CCDC60: variants seen among roughly 807,000 people sequenced by gnomAD.
The protein encoded by CCDC60 is coiled-coil domain-containing protein 60.
In CCDC60, 54 loss-of-function variants were observed where a neutral mutation model predicts 63.5. The ratio of observed to expected loss-of-function variants is 0.85; its 90% confidence interval spans 0.68 to 1.07. The LOEUF (loss-of-function observed/expected upper bound fraction) is 1.07, where lower values mean the gene tolerates loss of function less well. CCDC60 is among the 50% of genes least tolerant of loss of function. The pLI, the probability that CCDC60 is intolerant of heterozygous loss-of-function variation, is 0.00. For synonymous variants in CCDC60, 206 were observed against 238.8 expected (o/e 0.86, Z 1.27); for missense variants, 651 against 684.3 (o/e 0.95, Z 0.54).
chr12:119,433,530 C>G (rs933021052), intron 2 of CCDC60: 6 of 702,200 alleles, frequency 8.5e-6, no homozygotes, highest in Middle Eastern at 2.3e-4. Context: ...TCAGGATTCC[C>G]CTTCAGAAGG....
At chr12:119,404,331 C>T (rs1358129687) in intron 1 of CCDC60, among the ~76,000 whole-genome samples, 1 of 152,138 alleles carries the variant, frequency 6.6e-6, no homozygotes, top group Admixed American at 6.5e-5. Context: ...TTCTGACTGT[C>T]CTCCACCCTT....
intron 1 of CCDC60, among the ~76,000 whole-genome samples, chr12:119,392,831 G>T (rs151334231): frequency 5.3e-5 from 8 of 152,226 alleles, no homozygotes; most frequent in African/African-American, 1.4e-4. Flanking sequence ...CTGACCCTGG[G>T]TCTCGTGTTT....
At chr12:119,508,798 G>T (rs933369660) in intron 7 of CCDC60, among the ~76,000 whole-genome samples, 9 of 152,072 alleles carry the variant, frequency 5.9e-5, no homozygotes, top group African/African-American at 9.7e-5. Flanking sequence ...CTTTTCCAAG[G>T]TGTTCTTGTG....
chr12:119,361,197 A>AAGAGAG (rs1565970768), intron 1 of CCDC60, among the ~76,000 whole-genome samples: 1 of 54,514 alleles, frequency 1.8e-5, no homozygotes, highest in Non-Finnish European at 3.4e-5. Context: ...GGAGAGGGAG[A>AAGAGAG]CGAGAGGGAG....
At chr12:119,496,880 C>G (rs1242430093) in intron 5 of CCDC60, among the ~76,000 whole-genome samples, 1 of 152,176 alleles carries the variant, frequency 6.6e-6, no homozygotes, top group Non-Finnish European at 1.5e-5. Flanking sequence ...GTCACACAGA[C>G]AGTAAATCAC....
chr12:119,358,492 C>A (rs1405567712), intron 1 of CCDC60, among the ~76,000 whole-genome samples: 61 of 152,242 alleles, frequency 4.0e-4, no homozygotes, highest in Non-Finnish European at 1.2e-4. Flanking sequence ...CAATACATTT[C>A]TGTTCATTAT....
intron 4 of CCDC60, 99 bp from the exon 5 acceptor site, chr12:119,488,660 C>G (rs2136375368): frequency 1.0e-6 from 1 of 998,186 alleles, no homozygotes; most frequent in East Asian, 2.5e-5. Context: ...TGCCTGCTCC[C>G]TCACTGGGAG....
intron 1 of CCDC60, among the ~76,000 whole-genome samples, chr12:119,337,507 C>G (rs1955483881): frequency 6.6e-6 from 1 of 152,172 alleles, no homozygotes; most frequent in Non-Finnish European, 1.5e-5. Context: ...AATGAGTTAA[C>G]GTACGCCAAA....
intron 2 of CCDC60, among the ~76,000 whole-genome samples, 165 bp from the exon 3 acceptor site, chr12:119,471,829 T>G (rs1280427920): frequency 6.6e-6 from 1 of 151,246 alleles, no homozygotes; most frequent in Non-Finnish European, 1.5e-5. Flanking sequence ...TCCCTCTCCC[T>G]CTCTCACTCT....
At chr12:119,442,315 A>G (rs1478301074) in intron 2 of CCDC60, among the ~76,000 whole-genome samples, 1 of 152,206 alleles carries the variant, frequency 6.6e-6, no homozygotes, top group African/African-American at 2.4e-5. Context: ...AAGGCAGACA[A>G]TAATATAACA....
At chr12:119,437,327 C>T (rs1035787927) in intron 2 of CCDC60, among the ~76,000 whole-genome samples, 4 of 152,148 alleles carry the variant, frequency 2.6e-5, no homozygotes, top group Non-Finnish European at 4.4e-5. Context: ...GGGCAGACAT[C>T]GCTAATGGAT....
intron 1 of CCDC60, among the ~76,000 whole-genome samples, chr12:119,364,874 C>T (rs1231280702): frequency 2.0e-5 from 3 of 152,046 alleles, no homozygotes; most frequent in Non-Finnish European, 4.4e-5. Context: ...AGGAAAAGCT[C>T]CCTGAAAAAG....
At chr12:119,424,462 ACTG>A (rs1224534849) in intron 1 of CCDC60, among the ~76,000 whole-genome samples, 1 of 152,140 alleles carries the variant, frequency 6.6e-6, no homozygotes, top group African/African-American at 2.4e-5. Context: ...TATTATTCAC[ACTG>A]CTGTGATAAA....
rs75249269 is a variant in CCDC60, at chr12:119,493,781, A to G, written c.557+4915A>G. Among the ~76,000 whole-genome samples the G allele has an allele frequency of 4.8e-4, 73 of 152,322 alleles. No individual in the cohort carries two copies. The East Asian group carries it at 0.011, about 23-fold the overall frequency. On this transcript the variant is annotated intron_variant, in intron 5 of 13. Transcript: ENST00000327554. ...GGATCTGATTTTTTCATGAATGCCC[A>G]TAAGTATTTATTCAAACCCTTAGGG...
intron 1 of CCDC60, among the ~76,000 whole-genome samples, chr12:119,393,788 C>T (rs534331910): frequency 6.6e-6 from 1 of 152,226 alleles, no homozygotes; most frequent in African/African-American, 2.4e-5. Context: ...GTGACGTTTT[C>T]AGTGAAGGGA....
intron 2 of CCDC60, among the ~76,000 whole-genome samples, chr12:119,465,238 C>T (rs1420556522): frequency 1.3e-5 from 2 of 151,686 alleles, no homozygotes; most frequent in Non-Finnish European, 1.5e-5. Flanking sequence ...GCGTGGAACC[C>T]GGGAGGCGGA....
intron 13 of CCDC60, among the ~76,000 whole-genome samples, chr12:119,531,443 A>G (rs144149863): frequency 2.9e-4 from 44 of 152,322 alleles, no homozygotes; most frequent in Non-Finnish European, 5.4e-4. Flanking sequence ...TTATATTTTA[A>G]TGGGATTCCA....
intron 6 of CCDC60, among the ~76,000 whole-genome samples, chr12:119,503,286 T>C (rs897006283): frequency 3.3e-5 from 5 of 152,212 alleles, no homozygotes; most frequent in African/African-American, 1.2e-4. Flanking sequence ...ACATGTTTCA[T>C]CCCTGAGCTC....
At chr12:119,458,621 G>A (rs567500106) in intron 2 of CCDC60, among the ~76,000 whole-genome samples, 3 of 152,290 alleles carry the variant, frequency 2.0e-5, no homozygotes, top group Admixed American at 2.0e-4. Flanking sequence ...TTTGGGTGAT[G>A]TTCAATCCTA....
Sources: allele counts gnomAD v4.1 joint callset (sites outside exome capture counted in the v4.1 genomes callset), GRCh38; gene constraint gnomAD v4.1.1; transcripts MANE v1.5; gene names NCBI Gene and HGNC (gene_info 2026-07-23, HGNC 2026-07-21).